The following GPR158 variants were observed in gnomAD, a reference collection of about 807,000 sequenced individuals.
GPR158 encodes the protein G protein-coupled receptor 158.
In GPR158, 30 loss-of-function variants were observed where a neutral mutation model predicts 78.2. The ratio of observed to expected loss-of-function variants is 0.38; its 90% CI spans 0.29 to 0.52. The LOEUF is 0.52. GPR158 is among the 20% of genes least tolerant of loss of function. GPR158 has a pLI of 0.83. For synonymous variants in GPR158, 581 were observed against 591.1 expected (o/e 0.98, Z 0.25); for missense variants, 1,463 against 1,523.5 (o/e 0.96, Z 0.66).
chr10:25,442,227 T>C (rs1465629473), intron 4 of GPR158, among the ~76,000 whole-genome samples: 1 of 152,084 alleles, frequency 6.6e-6, no homozygotes, highest in East Asian at 1.9e-4. Context: ...TTTTTTTTCA[T>C]TGACACAAAT....
At chr10:25,547,166 C>T (rs10828818) in intron 5 of GPR158, among the ~76,000 whole-genome samples, 86,879 of 151,716 alleles carry the variant, frequency 0.57, 26,971 homozygotes, top group African/African-American at 0.82. Flanking sequence ...TTTCTTTTTT[C>T]CTTCCAACTG....
chr10:25,409,174 G>A (rs1834555095), intron 3 of GPR158, among the ~76,000 whole-genome samples: 2 of 152,152 alleles, frequency 1.3e-5, no homozygotes, highest in African/African-American at 4.8e-5. Context: ...CACACTTGCT[G>A]TCTGGGAGCA....
chr10:25,283,783 C>T (rs1473232956), intron 2 of GPR158, among the ~76,000 whole-genome samples: 2 of 151,890 alleles, frequency 1.3e-5, no homozygotes, highest in Non-Finnish European at 2.9e-5. Context: ...TTGCTGAATT[C>T]AATCAATTTT....
rs1855564314 is a variant in GPR158, at chr10:25,357,038, G to A, written c.1009-38873G>A. 2.0e-5 allele frequency among the ~76,000 whole-genome samples: 3 copies of A among 152,166 alleles called. 1 individual carries two copies. The South Asian group carries it at 6.2e-4, about 32-fold the overall frequency. ...CTCAAATGGAGATGAGGAACTTGTTGGGAACTGGAGCAAAGGTGATGCTTG... is the reference window on the plus strand; with the variant it reads ...CTCAAATGGAGATGAGGAACTTGTTAGGAACTGGAGCAAAGGTGATGCTTG... On this transcript the variant is annotated intron_variant, in intron 2 of 10. Transcript: ENST00000376351.
At chr10:25,240,498 C>T (rs1460781265) in intron 2 of GPR158, among the ~76,000 whole-genome samples, 1 of 152,134 alleles carries the variant, frequency 6.6e-6, no homozygotes, top group African/African-American at 2.4e-5. Context: ...GACTCCATCT[C>T]AAAGAGGTCA....
chr10:25,395,848 G>A, intron 2 of GPR158, 63 bp from the exon 3 acceptor site: 1 of 714,372 alleles, frequency 1.4e-6, no homozygotes, highest in Non-Finnish European at 2.5e-6. Context: ...ATGGATATCT[G>A]CGAGCCTTTA....
rs1174564133 is a variant in GPR158 at position 25,175,883 on chromosome 10, G to A, written c.463G>A (p.Asp155Asn). 1.2e-6 allele frequency: 2 copies of A among 1,613,914 alleles called. No individual in the cohort carries two copies. The highest frequency in any genetic ancestry group is 2.2e-5 in the South Asian group (2 of 91,090). ...SREQNLQDDL[D>N]WYQALVWSLL... is the part of the protein sequence containing the mutation. Reference sequence around the variant, plus strand: ...GGAGCAGAACTTGCAGGACGACCTGGATTGGTACCAGGCGCTGGTGTGGAG... The same window carrying A: ...GGAGCAGAACTTGCAGGACGACCTGAATTGGTACCAGGCGCTGGTGTGGAG... The change falls in exon 1 of 11, where the codon GAT (aspartate) becomes AAT (asparagine). Residue 155 changes from aspartate (D) to asparagine (N), a missense_variant. Transcript: ENST00000376351. The surrounding 1 kb of genome is among the most constrained non-coding windows in gnomAD (Gnocchi z 6.4).
In GPR158 at chr10:25,221,105, C is replaced by T. The variant is rs41279900; in HGVS notation, c.956C>T (p.Ser319Leu). 3 of 1,605,054 alleles carry T rather than the reference C, an allele frequency of 1.9e-6. No homozygotes were observed. The highest frequency in any genetic ancestry group is 2.6e-6 in the Non-Finnish European group (3 of 1,172,500). ...NLQKVDIDQC[S>L]SDGWFSGTHK... ...CAGAAAGTGGACATTGACCAATGCTCAAGTGATGGCTGGTTTTCAGGAACT... is the reference window on the plus strand; with the variant it reads ...CAGAAAGTGGACATTGACCAATGCTTAAGTGATGGCTGGTTTTCAGGAACT... The change falls in exon 2 of 11, where the codon TCA (serine) becomes TTA (leucine). Residue 319 changes from serine to leucine, a missense_variant. By Grantham distance (145) the Ser-to-Leu change is moderately radical. Transcript: ENST00000376351.
chr10:25,194,479 C>A (rs757864044), intron 1 of GPR158, among the ~76,000 whole-genome samples: 6 of 152,016 alleles, frequency 3.9e-5, no homozygotes, highest in Non-Finnish European at 7.4e-5. Flanking sequence ...GCGGAGGTTG[C>A]AGTGAGCCAA....
At chr10:25,194,437 G>T (rs1403061161) in intron 1 of GPR158, among the ~76,000 whole-genome samples, 1 of 152,194 alleles carries the variant, frequency 6.6e-6, no homozygotes, top group Non-Finnish European at 1.5e-5. Flanking sequence ...TGCTCAGGAG[G>T]CTGAGGCTGG....
intron 2 of GPR158, among the ~76,000 whole-genome samples, chr10:25,346,837 C>G (rs911476014): frequency 6.6e-6 from 1 of 151,824 alleles, no homozygotes; most frequent in Non-Finnish European, 1.5e-5. Context: ...TCCAGTATAC[C>G]TGACACAGAC....
At chr10:25,567,540 GAC>G (rs1360589581) in intron 6 of GPR158, among the ~76,000 whole-genome samples, 4 of 152,100 alleles carry the variant, frequency 2.6e-5, no homozygotes, top group Non-Finnish European at 5.9e-5. Context: ...TCTAAACGGA[GAC>G]ATGAAGGAGA....
rs898244181 is a variant in GPR158, at chr10:25,481,794, C to G, written c.1404+15075C>G. ...ATCCACACCAAGACTTGTTATTTTC[C>G]ATTTTATATTTTTATAGTAGCCATC... On this transcript the variant is annotated intron_variant, in intron 5 of 10. Transcript: ENST00000376351. Among the ~76,000 whole-genome samples the G allele has an allele frequency of 1.5e-4, 23 of 152,230 alleles. No homozygotes were observed. In the East Asian group the frequency reaches 4.1e-3, roughly 27 times the overall value.
At chr10:25,392,185 C>T (rs376788384) in intron 2 of GPR158, among the ~76,000 whole-genome samples, 6 of 152,286 alleles carry the variant, frequency 3.9e-5, no homozygotes, top group East Asian at 3.9e-4. Context: ...ATACAGCCAT[C>T]GAAGCTGCTT....
chr10:25,477,259 A>G (rs1273927185), intron 5 of GPR158, among the ~76,000 whole-genome samples: 1 of 152,138 alleles, frequency 6.6e-6, no homozygotes, highest in African/African-American at 2.4e-5. Flanking sequence ...GAGAGGGAGA[A>G]TGAGACAATG....
At chr10:25,510,492 A>G (rs896751238) in intron 5 of GPR158, among the ~76,000 whole-genome samples, 1 of 152,184 alleles carries the variant, frequency 6.6e-6, no homozygotes, top group African/African-American at 2.4e-5. Flanking sequence ...AGTACAATCT[A>G]ATTGTTTAGA....
intron 1 of GPR158, among the ~76,000 whole-genome samples, chr10:25,192,365 G>A (rs1414096994): frequency 3.3e-5 from 5 of 152,048 alleles, no homozygotes; most frequent in East Asian, 1.9e-4. Context: ...ACCCAGTCTC[G>A]GGCAGTTCTT....
At chr10:25,215,803 C>G (rs1317518861) in intron 1 of GPR158, among the ~76,000 whole-genome samples, 7 of 152,220 alleles carry the variant, frequency 4.6e-5, no homozygotes, top group African/African-American at 1.4e-4. Context: ...CCACTGTACT[C>G]CAGCCTGGGT....
chr10:25,462,254 A>C (rs1489087542), intron 4 of GPR158, among the ~76,000 whole-genome samples: 2 of 152,224 alleles, frequency 1.3e-5, no homozygotes, highest in Admixed American at 1.3e-4. Flanking sequence ...ATGTGATAGC[A>C]CATCTATTTA....
Sources: allele counts gnomAD v4.1 joint callset (sites outside exome capture counted in the v4.1 genomes callset), GRCh38; gene constraint gnomAD v4.1.1; non-coding constraint Gnocchi (gnomAD v3.1); transcripts MANE v1.5; gene names NCBI Gene and HGNC (gene_info 2026-07-23, HGNC 2026-07-21).